Variants in ENOX1 observed in about 807,000 individuals in gnomAD.
ENOX1 encodes candidate growth-related and time keeping constitutive hydroquinone (NADH) oxidase.
In ENOX1, 42 loss-of-function variants were observed where a neutral mutation model predicts 82.5. That is an observed-to-expected ratio of 0.51 (90% CI 0.40 to 0.66). The LOEUF (loss-of-function observed/expected upper bound fraction) is 0.66, where lower values mean the gene tolerates loss of function less well. Among genes scored for constraint, ENOX1 ranks in the 30% least tolerant of loss-of-function variants. The pLI is 0.00. For missense variants in ENOX1, 608 were observed against 811.6 expected (o/e 0.75, Z 3.05); for synonymous variants, 271 against 282.2 (o/e 0.96, Z 0.40).
At position 43,265,388 on chromosome 13, in the gene ENOX1, T is replaced by C; in HGVS notation, c.1611+10A>G. 6.2e-7 allele frequency: 1 copy of C among 1,609,720 alleles called. No individual in the cohort carries two copies. ...GCAAGAAGAACAAATACCAGGTTTG[T>C]GGTACCTACATTTGAATCCTCATGG... On this transcript the variant is annotated intron_variant, in intron 14 of 16. Coordinates refer to ENST00000690772, the MANE Select transcript of ENOX1 (RefSeq NM_001347969.2).
intron 11 of ENOX1, among the ~76,000 whole-genome samples, chr13:43,317,963 C>T (rs1194316608): frequency 1.3e-5 from 2 of 151,872 alleles, no homozygotes; most frequent in Non-Finnish European, 2.9e-5. Flanking sequence ...CAAGATCATG[C>T]CACTGCACTC....
chr13:43,467,332 CT>C, intron 3 of ENOX1, among the ~76,000 whole-genome samples: 1 of 152,264 alleles, frequency 6.6e-6, no homozygotes, highest in Middle Eastern at 3.4e-3. Context: ...ACTATATTTA[CT>C]GTCTAAAAAT....
intron 3 of ENOX1, among the ~76,000 whole-genome samples, chr13:43,446,165 CTTG>C: frequency 6.6e-6 from 1 of 151,366 alleles, no homozygotes; most frequent in South Asian, 2.1e-4. Context: ...TGTCCTGTGC[CTTG>C]TTTTTTTTTT....
intron 2 of ENOX1, among the ~76,000 whole-genome samples, chr13:43,635,868 A>G (rs573822070): frequency 6.6e-6 from 1 of 152,286 alleles, no homozygotes; most frequent in East Asian, 1.9e-4. Flanking sequence ...AGTTTCAGGA[A>G]CTAGGGCAAG....
At chr13:43,433,747 T>A (rs1027353052) in intron 3 of ENOX1, among the ~76,000 whole-genome samples, 18 of 152,222 alleles carry the variant, frequency 1.2e-4, no homozygotes, top group Admixed American at 2.0e-4. Flanking sequence ...CATGGCCAAT[T>A]TGCCAGATGC....
intron 1 of ENOX1, among the ~76,000 whole-genome samples, chr13:43,754,946 T>C (rs2153832838): frequency 6.6e-6 from 1 of 152,274 alleles, no homozygotes; most frequent in African/African-American, 2.4e-5. Flanking sequence ...TTATTGATCC[T>C]GCATCTGTAA....
intron 3 of ENOX1, among the ~76,000 whole-genome samples, chr13:43,415,027 G>A (rs1351848314): frequency 6.6e-6 from 1 of 152,134 alleles, no homozygotes; most frequent in African/African-American, 2.4e-5. Flanking sequence ...AAGTGTCCTG[G>A]AGACCCATCG....
intron 2 of ENOX1, among the ~76,000 whole-genome samples, chr13:43,501,282 GA>G (rs912895827): frequency 6.6e-6 from 1 of 151,588 alleles, no homozygotes; most frequent in Non-Finnish European, 1.5e-5. Context: ...TTATATAGGG[GA>G]AAAAAGAGTC....
At chr13:43,776,060 C>T (rs1425698343) in intron 1 of ENOX1, among the ~76,000 whole-genome samples, 1 of 152,114 alleles carries the variant, frequency 6.6e-6, no homozygotes, top group Non-Finnish European at 1.5e-5. Flanking sequence ...GCTGATAATA[C>T]TATAAAAAGT....
intron 1 of ENOX1, among the ~76,000 whole-genome samples, chr13:43,716,450 T>A (rs1330705725): frequency 1.3e-5 from 2 of 152,192 alleles, no homozygotes; most frequent in African/African-American, 4.8e-5. Context: ...GAGATCTTCC[T>A]ATTTGGCCAT....
At chr13:43,730,751 T>C (rs1263073380) in intron 1 of ENOX1, among the ~76,000 whole-genome samples, 2 of 152,180 alleles carry the variant, frequency 1.3e-5, no homozygotes, top group South Asian at 2.1e-4. Flanking sequence ...ACACTCTGTG[T>C]GATCCAGGAA....
intron 1 of ENOX1, among the ~76,000 whole-genome samples, chr13:43,702,122 C>T (rs2086940210): frequency 6.6e-6 from 1 of 152,158 alleles, no homozygotes; most frequent in African/African-American, 2.4e-5. Flanking sequence ...TAGCTTTTTT[C>T]ACTCAGAATA....
chr13:43,759,715 T>C (rs73189971), intron 1 of ENOX1, among the ~76,000 whole-genome samples: 11,948 of 152,290 alleles, frequency 0.078, 707 homozygotes, highest in African/African-American at 0.16. Context: ...TTCATCACCT[T>C]GGAAGATGTC....
chr13:43,365,074 T>C (rs1459427925), intron 5 of ENOX1, among the ~76,000 whole-genome samples: 2 of 152,234 alleles, frequency 1.3e-5, no homozygotes, highest in Non-Finnish European at 2.9e-5. Context: ...AGATGCACCC[T>C]GCCAGGCCAG....
chr13:43,714,648 G>A (rs1455434570), intron 1 of ENOX1, among the ~76,000 whole-genome samples: 1 of 152,166 alleles, frequency 6.6e-6, no homozygotes, highest in Non-Finnish European at 1.5e-5. Context: ...TTGTTGAATT[G>A]ATCCCTTTAC....
chr13:43,717,920 T>C (rs182427010), intron 1 of ENOX1, among the ~76,000 whole-genome samples: 79 of 152,254 alleles, frequency 5.2e-4, no homozygotes, highest in African/African-American at 1.8e-3. Flanking sequence ...AGGAATCACA[T>C]ATACACAATG....
At chr13:43,710,257 T>G (rs2087600479) in intron 1 of ENOX1, among the ~76,000 whole-genome samples, 1 of 152,104 alleles carries the variant, frequency 6.6e-6, no homozygotes, top group South Asian at 2.1e-4. Flanking sequence ...TTCAGATATA[T>G]CCTATGTCTG....
At chr13:43,615,353 A>G (rs562296808) in intron 2 of ENOX1, among the ~76,000 whole-genome samples, 35 of 152,180 alleles carry the variant, frequency 2.3e-4, no homozygotes, top group Admixed American at 1.6e-3. Flanking sequence ...GGAGCAAGGC[A>G]TAAGTAAACA....
At chr13:43,654,348 C>A (rs948840066) in intron 2 of ENOX1, among the ~76,000 whole-genome samples, 3 of 152,154 alleles carry the variant, frequency 2.0e-5, no homozygotes, top group African/African-American at 2.4e-5. Flanking sequence ...AGACTGCTGC[C>A]CTGCCCTGTG....
Sources: allele counts gnomAD v4.1 joint callset (sites outside exome capture counted in the v4.1 genomes callset), GRCh38; gene constraint gnomAD v4.1.1; transcripts MANE v1.5; gene names NCBI Gene and HGNC (gene_info 2026-07-23, HGNC 2026-07-21).